The following POLR1H variants were observed in gnomAD, a reference collection of about 807,000 sequenced individuals.
POLR1H encodes DNA-directed RNA polymerase I subunit RPA12.
Under a neutral mutation model 15.8 loss-of-function variants are expected in POLR1H, and 5 were observed. That is an observed-to-expected ratio of 0.32 (90% CI 0.17 to 0.67). The LOEUF is 0.67. Ranked by LOEUF, POLR1H falls within the 30% of genes least tolerant of loss-of-function variation. POLR1H has a pLI of 0.74. For synonymous variants in POLR1H, 43 were observed against 58.3 expected (o/e 0.74, Z 1.20); for missense variants, 100 against 163.4 (o/e 0.61, Z 2.11).
At position 30,061,639 on chromosome 6, in the gene POLR1H, A is replaced by C; in HGVS notation, c.115A>C (p.Ile39Leu). 6.2e-7 allele frequency: 1 copy of C among 1,613,010 alleles called. No homozygotes were observed. The highest frequency in any genetic ancestry group is 8.5e-7 in the Non-Finnish European group (1 of 1,180,038). Residue 39 changes from isoleucine to leucine, a missense_variant, in exon 1 of 4, where the codon ATT becomes CTT. Around this residue, in one of 2 missense-constraint regions of POLR1H, gnomAD observed 87 missense variants for 119.8 expected, o/e 0.73. Transcript: ENST00000332435. This position sits in a 1 kb window ranked among gnomAD's most constrained non-coding sequence, Gnocchi z 5.0. ...LPGAQDTVTC[I>L]RCGFNINVRD... ...CGGGGCTCAGGATACGGTCACCTGT[A>C]TTCGCTGTGGCTTCAACATCAACGT...
At position 30,064,819 on chromosome 6, in the gene POLR1H, C is replaced by T; in HGVS notation, c.*122C>T. On this transcript the variant is annotated 3_prime_UTR_variant, in exon 4 of 4. Transcript: ENST00000332435. ...TTTTGCTCCCAGAAGAGAATCAGAT[C>T]ATCATGTGGGGATTACCATTGTTCC... 3.9e-6 allele frequency: 3 copies of T among 771,290 alleles called. No homozygotes were observed. Among genetic ancestry groups the T allele is most frequent in the Admixed American group, 5.3e-5 (2 of 37,580 alleles). 47.8% of individuals were successfully genotyped at this position (771,290 alleles called of 1,614,324 possible).
Position 30,061,584 on chromosome 6 carries a change from T to C in POLR1H, c.60T>C (p.Cys20=). The part of the protein sequence containing the change: ...CSSFQSDLDF[C]SDCGSVLPLP... ...GCTTTCAGTCGGACCTGGATTTCTG[T>C]TCAGATTGCGGCTCGGTCCTGCCTC... The change falls in exon 1 of 4, where the codon TGT becomes TGC. Residue 20 remains cysteine (C), a synonymous_variant. Coordinates refer to ENST00000332435, the MANE Select transcript of POLR1H (RefSeq NM_170783.4). The surrounding 1 kb of genome is among the most constrained non-coding windows in gnomAD (Gnocchi z 5.0). The C allele has an allele frequency of 1.2e-6, 2 of 1,613,126 alleles. No homozygotes were observed. Among genetic ancestry groups the C allele is most frequent in the Admixed American group, 1.7e-5 (1 of 60,028 alleles).
At chr6:30,060,095 G>C (rs1318160789), upstream of POLR1H, 2 of 152,270 alleles carry the variant, frequency 1.3e-5, no homozygotes, top group Non-Finnish European at 2.9e-5. Context: ...GATAGGGCTT[G>C]TCACTCTTCA....
rs1765090678 is a variant in POLR1H, at chr6:30,061,721, T to TG, written c.145+56dup. On this transcript the variant is annotated intron_variant, in intron 1 of 3. Transcript: ENST00000332435. The surrounding 1 kb of genome is among the most constrained non-coding windows in gnomAD (Gnocchi z 5.0). The stretch of plus-strand genomic sequence containing the variant: ...GGCGGAGGGCGCAGGGTCGGAAGCT[T>TG]GGGGAACTCAAGATCGGTTGGGTTG... 1 of 1,608,610 alleles carries TG rather than the reference T, an allele frequency of 6.2e-7. No homozygotes were observed. Among genetic ancestry groups the TG allele is most frequent in the Non-Finnish European group, 8.5e-7 (1 of 1,177,036 alleles).
chr6:30,061,962 TG>T lies in POLR1H; in HGVS notation c.195del (p.Thr66GlnfsTer123), dbSNP rs1225056467. The T allele has an allele frequency of 2.5e-6, 4 of 1,612,954 alleles. No individual in the cohort carries two copies. The highest frequency in any genetic ancestry group is 2.5e-6 in the Non-Finnish European group (3 of 1,179,982). ...AAGACTTCGGTTGTGTTCCACCAAC[TG>T]GGGACAGCCATGCCTATGTCGGTGG... is the stretch of plus-strand genomic sequence containing the variant. The part of the protein sequence containing the change: ...VVKTSVVFHQ[L>X]GTAMPMSVEE... On this transcript the variant is annotated frameshift_variant, in exon 2 of 4. Transcript: ENST00000332435. LOFTEE classifies it high-confidence loss of function. This position sits in a 1 kb window ranked among gnomAD's most constrained non-coding sequence, Gnocchi z 5.0.
In POLR1H at chr6:30,061,507, C is replaced by T; in HGVS notation, c.-18C>T. 2 of 1,611,582 alleles carry T rather than the reference C, an allele frequency of 1.2e-6. No individual in the cohort carries two copies. Among genetic ancestry groups the T allele is most frequent in the South Asian group, 1.1e-5 (1 of 91,002 alleles). ...CTTTTGTTAATAAACTTCCAACTCC[C>T]TCCTCAGACCCGACCGCATGTCTGT... On this transcript the variant is annotated 5_prime_UTR_variant, in exon 1 of 4. Transcript: ENST00000332435. The surrounding 1 kb of genome is among the most constrained non-coding windows in gnomAD (Gnocchi z 5.0).
At chr6:30,060,796 G>C (rs1764964232), upstream of POLR1H, 1 of 152,236 alleles carries the variant, frequency 6.6e-6, no homozygotes, top group South Asian at 2.1e-4. Flanking sequence ...GCGAGCTGCA[G>C]AAAGCCCACG....
Position 30,061,615 on chromosome 6 carries a change from G to A in POLR1H, c.91G>A (p.Gly31Arg). 1 of 1,612,982 alleles carries A rather than the reference G, an allele frequency of 6.2e-7. No individual in the cohort carries two copies. Residue 31 changes from glycine (G) to arginine (R), a missense_variant, in exon 1 of 4, where the codon GGG (glycine) becomes AGG (arginine). This residue lies in a region of POLR1H where 87 missense variants were observed against 119.8 expected (regional missense o/e 0.73). Coordinates refer to ENST00000332435, the MANE Select transcript of POLR1H (RefSeq NM_170783.4). The surrounding 1 kb of genome is among the most constrained non-coding windows in gnomAD (Gnocchi z 5.0). ...SDCGSVLPLP[G>R]AQDTVTCIRC... ...TTGCGGCTCGGTCCTGCCTCTGCCC[G>A]GGGCTCAGGATACGGTCACCTGTAT...
rs549003960 is a variant in POLR1H, at chr6:30,064,175, T to C, written c.357-498T>C. On this transcript the variant is annotated intron_variant, in intron 3 of 3. Coordinates refer to ENST00000332435, the MANE Select transcript of POLR1H (RefSeq NM_170783.4). ...CTGGATTTCTGGTTTTACAGAACTT[T>C]TAACCAGTGTGCAGATTGCCTTTAC... 2.0e-5 allele frequency among the ~76,000 whole-genome samples: 3 copies of C among 152,306 alleles called. No homozygotes were observed. The East Asian group carries it at 5.8e-4, about 29-fold the overall frequency.
rs774784744 is a variant in POLR1H, at chr6:30,061,949, G to C, written c.178G>C (p.Val60Leu). 4 of 1,613,140 alleles carry C rather than the reference G, an allele frequency of 2.5e-6. No individual in the cohort carries two copies. The highest frequency in any genetic ancestry group is 3.4e-6 in the Non-Finnish European group (4 of 1,180,038). The change falls in exon 2 of 4, where the codon GTG becomes CTG. Residue 60 changes from valine to leucine, a missense_variant. Around this residue, in one of 2 missense-constraint regions of POLR1H, gnomAD observed 87 missense variants for 119.8 expected, o/e 0.73. Coordinates refer to ENST00000332435, the MANE Select transcript of POLR1H (RefSeq NM_170783.4). The surrounding 1 kb of genome is among the most constrained non-coding windows in gnomAD (Gnocchi z 5.0). ...FEGKVVKTSV[V>L]FHQLGTAMPM... ...GGGGAAGGTTGTGAAGACTTCGGTT[G>C]TGTTCCACCAACTGGGGACAGCCAT... is the stretch of plus-strand genomic sequence containing the variant.
chr6:30,063,509 TTTA>T lies in POLR1H; in HGVS notation c.357-1158_357-1156del, dbSNP rs947336692. Among the ~76,000 whole-genome samples the T allele has an allele frequency of 6.3e-4, 95 of 151,488 alleles. No individual in the cohort carries two copies. Among genetic ancestry groups the T allele is most frequent in the African/African-American group, 2.2e-3 (90 of 41,498 alleles). On this transcript the variant is annotated intron_variant, in intron 3 of 3. Coordinates refer to ENST00000332435, the MANE Select transcript of POLR1H (RefSeq NM_170783.4). This position sits in a 1 kb window ranked among gnomAD's most constrained non-coding sequence, Gnocchi z 4.1. The stretch of plus-strand genomic sequence containing the variant: ...TTTAATCATATTTTAAATTGTTCCT[TTTA>T]TTATTCTTTAAATATATATTTAAAA...
upstream of POLR1H, chr6:30,061,159 A>G (rs1315428885): frequency 4.9e-6 from 1 of 202,350 alleles, no homozygotes; most frequent in Non-Finnish European, 1.0e-5. The surrounding 1 kb of genome is among the most constrained non-coding windows in gnomAD (Gnocchi z 5.0). Context: ...TCCATCTCTA[A>G]CGCTCCCGAG....
At chr6:30,062,050 A>C in intron 2 of POLR1H, 33 bp downstream of exon 2, 4 of 1,591,762 alleles carry the variant, frequency 2.5e-6, no homozygotes, top group Non-Finnish European at 3.4e-6. Context: ...TGGCTCCATA[A>C]GGTGGGTAGG....
chr6:30,060,614 C>T (rs1359897919), upstream of POLR1H: 1 of 152,272 alleles, frequency 6.6e-6, no homozygotes, highest in Admixed American at 6.5e-5. Flanking sequence ...TCTGTTCCAC[C>T]ACCTCCAAAG....
At chr6:30,062,107 A>G (rs1220290999) in intron 2 of POLR1H, 90 bp downstream of exon 2, 3 of 1,474,314 alleles carry the variant, frequency 2.0e-6, no homozygotes, top group Non-Finnish European at 9.5e-7. Context: ...TTTTGTGCCC[A>G]ATTCCAAGAG....
At position 30,061,363 on chromosome 6, in the gene POLR1H, G is replaced by A. The variant is rs1170825374; in HGVS notation, c.-162G>A. On this transcript the variant is annotated 5_prime_UTR_variant, in exon 1 of 4. Transcript: ENST00000332435. The surrounding 1 kb of genome is among the most constrained non-coding windows in gnomAD (Gnocchi z 5.0). ...GTACCCGACGCTGTCTGGGAATTCC[G>A]GGCGTTTCGGCTCCTTGGTCGCAGA... The A allele has an allele frequency of 4.1e-6, 3 of 723,956 alleles. No individual in the cohort carries two copies. The highest frequency in any genetic ancestry group is 2.6e-5 in the Admixed American group (1 of 38,214). The allele number at this position is 723,956 out of a possible 1,614,324, so 44.8% of individuals were successfully genotyped here.
In POLR1H at chr6:30,061,805, C is replaced by G; in HGVS notation, c.146-112C>G. The G allele has an allele frequency of 6.4e-7, 1 of 1,553,062 alleles. No individual in the cohort carries two copies. Among genetic ancestry groups the G allele is most frequent in the African/African-American group, 1.4e-5 (1 of 73,528 alleles). ...TGTACATTTGGTCTAGCGATGAAAA[C>G]TGAGGGAAAGGATGTAGGGCCTCCT... On this transcript the variant is annotated intron_variant, in intron 1 of 3. Transcript: ENST00000332435. The surrounding 1 kb of genome is among the most constrained non-coding windows in gnomAD (Gnocchi z 5.0).
At position 30,064,852 on chromosome 6, in the gene POLR1H, C is replaced by T; in HGVS notation, c.*155C>T. The T allele has an allele frequency of 4.0e-6, 2 of 505,282 alleles. No individual in the cohort carries two copies. Among genetic ancestry groups the T allele is most frequent in the Middle Eastern group, 3.0e-4 (1 of 3,316 alleles). The allele number at this position is 505,282 out of a possible 1,614,324, so 31.3% of individuals were successfully genotyped here. A position where few individuals can be genotyped will look rare whatever the true frequency, so the allele number is the denominator to read the frequency against. On this transcript the variant is annotated 3_prime_UTR_variant, in exon 4 of 4. Coordinates refer to ENST00000332435, the MANE Select transcript of POLR1H (RefSeq NM_170783.4). ...GGGGATTACCATTGTTCCTGGAGTA[C>T]TCCTACCCTTAGTTGAATTTCCTTA...
chr6:30,062,714 CTTTTTTTT>C (rs9278555), intron 3 of POLR1H, among the ~76,000 whole-genome samples: 3 of 42,378 alleles, frequency 7.1e-5, no homozygotes, highest in Admixed American at 6.0e-4. Flanking sequence ...CCACGCCTGG[CTTTTTTTT>C]TTTTTTTTTT....
Sources: allele counts gnomAD v4.1 joint callset (sites outside exome capture counted in the v4.1 genomes callset), GRCh38; gene constraint gnomAD v4.1.1; regional missense constraint gnomAD v4.1.1; non-coding constraint Gnocchi (gnomAD v3.1); transcripts MANE v1.5; gene names NCBI Gene and HGNC (gene_info 2026-07-23, HGNC 2026-07-21).